FAT3: variants seen among roughly 807,000 people sequenced by gnomAD.
FAT3 encodes FAT atypical cadherin 3.
FAT3 carries 95 observed loss-of-function variants against 310.2 expected under a neutral mutation model. The ratio of observed to expected loss-of-function variants is 0.31; its 90% CI spans 0.26 to 0.36. The LOEUF (loss-of-function observed/expected upper bound fraction) is 0.36. Ranked by LOEUF, FAT3 falls within the 10% of genes least tolerant of loss-of-function variation. FAT3 has a pLI of 1.00. For missense variants in FAT3, 5,408 were observed against 5,715.6 expected (o/e 0.95, Z 1.74); for synonymous variants, 2,314 against 2,192.9 (o/e 1.06, Z -1.54).
chr11:92,503,606 C>T (rs1953011502), intron 2 of FAT3, among the ~76,000 whole-genome samples: 1 of 152,064 alleles, frequency 6.6e-6, no homozygotes, highest in Non-Finnish European at 1.5e-5. Flanking sequence ...CCACCTGACT[C>T]TAGAATCAAT....
At position 92,800,043 on chromosome 11, in the gene FAT3, G is replaced by A. The variant is rs778444762; in HGVS notation, c.7030G>A (p.Gly2344Ser). 1 of 1,613,786 alleles carries A rather than the reference G, an allele frequency of 6.2e-7. No homozygotes were observed. Among genetic ancestry groups the A allele is most frequent in the African/African-American group, 1.3e-5 (1 of 74,904 alleles). The part of the protein sequence containing the change: ...TDYFHIDSSS[G>S]LILTARMLDH... ...TTATTTTCACATAGATAGCTCAAGT[G>A]GCTTAATCCTGACAGCACGAATGCT... Residue 2344 changes from glycine (G) to serine (S), a missense_variant, in exon 10 of 28, where the codon GGC becomes AGC. By Grantham distance (56) the Gly-to-Ser change is moderately conservative. Transcript: ENST00000525166.
At chr11:92,774,742 G>A (rs949767221) in intron 7 of FAT3, among the ~76,000 whole-genome samples, 1 of 152,092 alleles carries the variant, frequency 6.6e-6, no homozygotes, top group Non-Finnish European at 1.5e-5. Context: ...CCTGGTTGTG[G>A]GGAGAGGTTA....
intron 19 of FAT3, among the ~76,000 whole-genome samples, chr11:92,846,814 CAG>C (rs1481627904): frequency 6.6e-6 from 1 of 152,190 alleles, no homozygotes; most frequent in African/African-American, 2.4e-5. Context: ...GAGCTTTGTG[CAG>C]AGTCAGGCCA....
chr11:92,255,328 T>G (rs1402734306), intron 1 of FAT3, among the ~76,000 whole-genome samples: 1 of 148,784 alleles, frequency 6.7e-6, no homozygotes, highest in East Asian at 2.1e-4. Context: ...TTTTTTATTT[T>G]AGGGTTTTTT....
chr11:92,298,304 G>C (rs983963180), intron 1 of FAT3, among the ~76,000 whole-genome samples: 13 of 152,050 alleles, frequency 8.5e-5, no homozygotes, highest in African/African-American at 2.9e-4. Context: ...GAATGACTCT[G>C]TGCATAGAAA....
chr11:92,623,158 C>T (rs1941162524), intron 3 of FAT3, among the ~76,000 whole-genome samples: 1 of 138,860 alleles, frequency 7.2e-6, no homozygotes. Flanking sequence ...TGCTGACCTG[C>T]CATAGTCCCA....
At chr11:92,437,335 C>T (rs1028983003) in intron 2 of FAT3, among the ~76,000 whole-genome samples, 2 of 152,078 alleles carry the variant, frequency 1.3e-5, no homozygotes, top group Admixed American at 1.3e-4. Flanking sequence ...AGTTTTTGCC[C>T]AGTATTAATT....
chr11:92,559,882 G>A (rs1216065974), intron 3 of FAT3, among the ~76,000 whole-genome samples: 1 of 152,072 alleles, frequency 6.6e-6, no homozygotes, highest in Non-Finnish European at 1.5e-5. Flanking sequence ...CGTTTGGATT[G>A]TTTCTGTCTT....
chr11:92,526,181 A>C (rs1053085245), intron 3 of FAT3, among the ~76,000 whole-genome samples: 3 of 152,130 alleles, frequency 2.0e-5, no homozygotes, highest in African/African-American at 7.2e-5. Context: ...AGTAGATAAA[A>C]TTCTCCATGC....
intron 1 of FAT3, among the ~76,000 whole-genome samples, chr11:92,282,670 AAAG>A (rs1288516535): frequency 5.3e-5 from 8 of 151,964 alleles, no homozygotes; most frequent in Middle Eastern, 3.4e-3. Flanking sequence ...AAAAAAAAAA[AAAG>A]GATGTTGTAA....
At chr11:92,777,209 G>A (rs1034367871) in intron 7 of FAT3, among the ~76,000 whole-genome samples, 1 of 152,040 alleles carries the variant, frequency 6.6e-6, no homozygotes, top group Admixed American at 6.6e-5. Context: ...TCTCTGCTTT[G>A]TTCATTTGGA....
chr11:92,802,304 T>G (rs781076466), intron 10 of FAT3, among the ~76,000 whole-genome samples: 40 of 152,328 alleles, frequency 2.6e-4, no homozygotes, highest in Non-Finnish European at 4.7e-4. Flanking sequence ...AATAGCTTGA[T>G]CACAGTAAGC....
intron 8 of FAT3, among the ~76,000 whole-genome samples, chr11:92,790,713 C>T (rs1375299514): frequency 6.6e-6 from 1 of 152,168 alleles, no homozygotes; most frequent in Non-Finnish European, 1.5e-5. Context: ...GATCTCAATA[C>T]ATGCTCAAGC....
chr11:92,412,724 T>TAC (rs1565296236), intron 2 of FAT3, among the ~76,000 whole-genome samples: 22 of 33,366 alleles, frequency 6.6e-4, no homozygotes, highest in African/African-American at 1.6e-3. Flanking sequence ...TATATATATA[T>TAC]ATATATATAT....
chr11:92,385,399 G>T (rs2134782704), intron 2 of FAT3, among the ~76,000 whole-genome samples: 1 of 152,176 alleles, frequency 6.6e-6, no homozygotes, highest in Non-Finnish European at 1.5e-5. Flanking sequence ...ACAGAATCTT[G>T]CTCTGTTGCC....
chr11:92,325,236 A>G (rs1469198527), intron 1 of FAT3, among the ~76,000 whole-genome samples: 2 of 152,162 alleles, frequency 1.3e-5, no homozygotes, highest in African/African-American at 4.8e-5. Flanking sequence ...TGAAGACACC[A>G]CTTCTCTGGT....
chr11:92,690,502 A>G (rs891416061), intron 3 of FAT3, among the ~76,000 whole-genome samples: 1 of 152,304 alleles, frequency 6.6e-6, no homozygotes, highest in East Asian at 1.9e-4. Context: ...CTTAAGAAGC[A>G]TATCTCGTGG....
intron 22 of FAT3, among the ~76,000 whole-genome samples, chr11:92,880,041 G>C (rs530057783): frequency 6.6e-6 from 1 of 151,800 alleles, no homozygotes; most frequent in Non-Finnish European, 1.5e-5. Context: ...TCAAGAGGTC[G>C]ATAATGCCTC....
intron 4 of FAT3, among the ~76,000 whole-genome samples, chr11:92,747,451 T>C (rs1407039402): frequency 6.6e-6 from 1 of 152,180 alleles, no homozygotes; most frequent in African/African-American, 2.4e-5. Flanking sequence ...AACCATTTTT[T>C]CCTCCTAGGC....
Sources: gnomAD v4.1 joint callset for allele counts (sites outside exome capture counted in the v4.1 genomes callset) on GRCh38, gnomAD v4.1.1 for gene constraint, MANE v1.5 for transcripts, NCBI Gene and HGNC (gene_info 2026-07-23, HGNC 2026-07-21) for gene names.